The following OSBPL1A variants were observed in gnomAD, a reference collection of about 807,000 sequenced individuals.
The protein encoded by OSBPL1A is oxysterol binding protein like 1A.
OSBPL1A carries 80 observed loss-of-function variants against 137.1 expected under a neutral mutation model. The ratio of observed to expected loss-of-function variants is 0.58; its 90% confidence interval spans 0.49 to 0.70. The LOEUF (loss-of-function observed/expected upper bound fraction) is 0.70. Among genes scored for constraint, OSBPL1A ranks in the 30% least tolerant of loss-of-function variants. The pLI is 0.00. For synonymous variants in OSBPL1A, 365 were observed against 389.7 expected (o/e 0.94, Z 0.75); for missense variants, 970 against 1,129.4 (o/e 0.86, Z 2.02).
At chr18:24,320,910 T>A (rs1335003900) in intron 7 of OSBPL1A, among the ~76,000 whole-genome samples, 2 of 151,146 alleles carry the variant, frequency 1.3e-5, no homozygotes, top group African/African-American at 4.9e-5. Context: ...GCACCTGTAA[T>A]CCCAGCTACT....
chr18:24,300,359 C>T (rs1428811696), intron 14 of OSBPL1A, among the ~76,000 whole-genome samples: 1 of 152,174 alleles, frequency 6.6e-6, no homozygotes, highest in Non-Finnish European at 1.5e-5. Context: ...TTTAAATGCC[C>T]AGATAAGTCT....
intron 4 of OSBPL1A, chr18:24,358,430 C>T: frequency 2.9e-6 from 2 of 701,512 alleles, no homozygotes; most frequent in Non-Finnish European, 5.2e-6. Flanking sequence ...TCTTCCCCAC[C>T]CTCGTGCACA....
chr18:24,223,086 T>C (rs552368094), intron 17 of OSBPL1A, among the ~76,000 whole-genome samples: 8 of 152,114 alleles, frequency 5.3e-5, no homozygotes, highest in African/African-American at 1.7e-4. Context: ...CCCCAGGTCA[T>C]GTAGCAACAT....
intron 21 of OSBPL1A, among the ~76,000 whole-genome samples, chr18:24,174,805 A>G (rs1456592815): frequency 6.6e-6 from 1 of 151,792 alleles, no homozygotes; most frequent in African/African-American, 2.4e-5. Context: ...ATGAGGTCTT[A>G]TTCTACTACC....
chr18:24,299,628 C>T (rs140802991), intron 14 of OSBPL1A, among the ~76,000 whole-genome samples: 2 of 152,248 alleles, frequency 1.3e-5, no homozygotes, highest in African/African-American at 4.8e-5. Context: ...AAGAAGTCTA[C>T]TGTTAATCAT....
At chr18:24,200,267 T>C (rs1388502982) in intron 17 of OSBPL1A, among the ~76,000 whole-genome samples, 1 of 152,064 alleles carries the variant, frequency 6.6e-6, no homozygotes, top group Non-Finnish European at 1.5e-5. Context: ...TTAATTAAAA[T>C]TAAGTAAAAA....
chr18:24,319,874 G>A (rs1482691602), intron 7 of OSBPL1A, among the ~76,000 whole-genome samples: 1 of 151,890 alleles, frequency 6.6e-6, no homozygotes, highest in East Asian at 1.9e-4. Context: ...GCCAGGCGCA[G>A]TGGCTCACAA....
Position 24,170,531 on chromosome 18 carries a change from C to T in OSBPL1A, c.2292-78G>A, listed in dbSNP as rs1370054083. ...GCCGACAGCACCTGGTATTCCCAGG[C>T]GGTCTCCCATCCGAGTACTAACCAG... On this transcript the variant is annotated intron_variant, in intron 23 of 27. Transcript: ENST00000319481. 5.1e-6 allele frequency: 8 copies of T among 1,559,606 alleles called. No homozygotes were observed. The Admixed American group carries it at 6.8e-5, about 13-fold the overall frequency.
chr18:24,176,557 A>C (rs1477430987), intron 21 of OSBPL1A, among the ~76,000 whole-genome samples: 1 of 151,334 alleles, frequency 6.6e-6, no homozygotes, highest in East Asian at 1.9e-4. Context: ...ATGATTTTGG[A>C]TTGTATTCTG....
rs77252459 is a variant in OSBPL1A at position 24,276,491 on chromosome 18, T to C, written c.1281+4351A>G. Among the ~76,000 whole-genome samples the C allele has an allele frequency of 1.3e-3, 200 of 152,268 alleles. 3 individuals carry two copies. In the East Asian group the frequency reaches 0.034, roughly 26 times the overall value. On this transcript the variant is annotated intron_variant, in intron 15 of 27. Coordinates refer to ENST00000319481, the MANE Select transcript of OSBPL1A (RefSeq NM_080597.4). ...AGAGCTCTTGTTTCCCAAGCTGGAG[T>C]GCCAATGGCCTGATCTCGGCTCACT...
chr18:24,262,320 C>T (rs1048800830), intron 15 of OSBPL1A, among the ~76,000 whole-genome samples: 1 of 152,126 alleles, frequency 6.6e-6, no homozygotes, highest in African/African-American at 2.4e-5. Context: ...AAAGCTTCGA[C>T]CTAAAAATAG....
In OSBPL1A at chr18:24,352,897, C is replaced by T. The variant is rs993778612; in HGVS notation, c.283-11239G>A. Among the ~76,000 whole-genome samples the T allele has an allele frequency of 2.3e-3, 352 of 152,244 alleles. 2 individuals carry two copies. Among genetic ancestry groups the T allele is most frequent in the African/African-American group, 8.0e-3 (331 of 41,546 alleles). Reference sequence around the variant, plus strand: ...GCTGAAACTGGATCCCTTCCTTACACCTTATACAAAAATTAATTCAAGATG... The same window carrying T: ...GCTGAAACTGGATCCCTTCCTTACATCTTATACAAAAATTAATTCAAGATG... On this transcript the variant is annotated intron_variant, in intron 4 of 27. Coordinates refer to ENST00000319481, the MANE Select transcript of OSBPL1A (RefSeq NM_080597.4).
intron 17 of OSBPL1A, among the ~76,000 whole-genome samples, chr18:24,214,762 T>C (rs1396884427): frequency 6.6e-6 from 1 of 152,168 alleles, no homozygotes; most frequent in Non-Finnish European, 1.5e-5. Context: ...TGGGGAAAAC[T>C]GTGCAAAAAA....
At chr18:24,225,264 C>T in intron 16 of OSBPL1A, 66 bp from the exon 17 acceptor site, 3 of 1,563,716 alleles carry the variant, frequency 1.9e-6, no homozygotes. Context: ...AACAATGGAT[C>T]CCTCCCTTCA....
At chr18:24,317,729 T>C (rs1465894639) in intron 9 of OSBPL1A, among the ~76,000 whole-genome samples, 38 of 152,142 alleles carry the variant, frequency 2.5e-4, no homozygotes, top group Admixed American at 2.4e-3. Context: ...CATGAATGAA[T>C]GTCTAAAAAA....
At chr18:24,385,638 AG>A (rs1237416888) in intron 1 of OSBPL1A, among the ~76,000 whole-genome samples, 2 of 152,164 alleles carry the variant, frequency 1.3e-5, no homozygotes, top group Admixed American at 1.3e-4. Context: ...TACGAAAGAA[AG>A]GGCAAGAAAG....
chr18:24,179,988 T>C (rs1371239226), intron 19 of OSBPL1A, among the ~76,000 whole-genome samples, 153 bp from the exon 20 acceptor site: 1 of 152,262 alleles, frequency 6.6e-6, no homozygotes, highest in East Asian at 1.9e-4. Flanking sequence ...CAGTGGGACA[T>C]GGAAACTTGG....
At chr18:24,326,064 G>GAAAAGAAA (rs750339625) in intron 7 of OSBPL1A, among the ~76,000 whole-genome samples, 13 of 146,320 alleles carry the variant, frequency 8.9e-5, no homozygotes, top group Admixed American at 3.4e-4. Flanking sequence ...TTATTTTTTA[G>GAAAAGAAA]AAAAGAAAAA....
At chr18:24,348,402 GTAT>G (rs1008545309) in intron 4 of OSBPL1A, among the ~76,000 whole-genome samples, 1 of 152,034 alleles carries the variant, frequency 6.6e-6, no homozygotes, top group East Asian at 1.9e-4. Flanking sequence ...TACGAGGAAG[GTAT>G]TATTATTATT....
Sources: allele counts gnomAD v4.1 joint callset (sites outside exome capture counted in the v4.1 genomes callset), GRCh38; gene constraint gnomAD v4.1.1; transcripts MANE v1.5; gene names NCBI Gene and HGNC (gene_info 2026-07-23, HGNC 2026-07-21).